Variants in ANKRD6 observed in about 807,000 individuals in gnomAD.
ANKRD6 encodes the protein ankyrin repeat domain-containing protein 6.
A neutral mutation model predicts 82.3 loss-of-function variants in ANKRD6; 56 were observed. The observed-to-expected ratio is 0.68, with a 90% CI of 0.55 to 0.85. The LOEUF is 0.85. Ranked by LOEUF, ANKRD6 falls within the 40% of genes least tolerant of loss-of-function variation. The pLI is 0.00. For missense variants in ANKRD6, 852 were observed against 907.6 expected (o/e 0.94, Z 0.79); for synonymous variants, 347 against 352.1 (o/e 0.99, Z 0.16).
At chr6:89,581,754 C>T (rs2128118587) in intron 2 of ANKRD6, 1 of 152,390 alleles carries the variant, frequency 6.6e-6, no homozygotes, top group Non-Finnish European at 1.5e-5. Context: ...AAATGGAATT[C>T]CTTCCCAAGA....
Position 89,631,255 on chromosome 6 carries a change from G to A in ANKRD6, c.*251G>A, listed in dbSNP as rs1482113121. On this transcript the variant is annotated 3_prime_UTR_variant, in exon 16 of 16. Coordinates refer to ENST00000339746, the MANE Select transcript of ANKRD6 (RefSeq NM_001242809.2). ...ATTATAAACTCTTAGCCTCAGTCCA[G>A]GTTAATCTGAAGTTTGAAAGCTCAG... is the stretch of plus-strand genomic sequence containing the variant. The A allele has an allele frequency of 8.5e-6, 4 of 471,602 alleles. No individual in the cohort carries two copies. Among genetic ancestry groups the A allele is most frequent in the African/African-American group, 8.0e-5 (4 of 49,724 alleles). The allele number at this position is 471,602 out of a possible 1,614,324, so 29.2% of individuals were successfully genotyped here.
intron 1 of ANKRD6, among the ~76,000 whole-genome samples, chr6:89,491,972 A>G (rs1423813270): frequency 6.6e-6 from 1 of 152,024 alleles, no homozygotes; most frequent in African/African-American, 2.4e-5. Flanking sequence ...ATCGCTCTCC[A>G]CTTCTTCATC....
chr6:89,445,546 A>T (rs553717390), intron 1 of ANKRD6, among the ~76,000 whole-genome samples: 1 of 152,268 alleles, frequency 6.6e-6, no homozygotes, highest in Admixed American at 6.5e-5. Context: ...TCCTGGGTTC[A>T]AGTGGTTCCC....
intron 2 of ANKRD6, among the ~76,000 whole-genome samples, chr6:89,595,383 G>T (rs890082537): frequency 6.6e-6 from 1 of 151,920 alleles, no homozygotes; most frequent in African/African-American, 2.4e-5. Flanking sequence ...CCGAGATGGC[G>T]TCGCTGCACT....
intron 1 of ANKRD6, among the ~76,000 whole-genome samples, chr6:89,438,566 A>C (rs901723215): frequency 1.3e-5 from 2 of 152,204 alleles, no homozygotes. Context: ...TCTTTGGTGG[A>C]TGAGTAGCCA....
At chr6:89,581,290 C>G (rs1044394751) in intron 2 of ANKRD6, among the ~76,000 whole-genome samples, 1 of 152,160 alleles carries the variant, frequency 6.6e-6, no homozygotes, top group Non-Finnish European at 1.5e-5. Context: ...TTGCACAGTA[C>G]GATTATGTTT....
intron 1 of ANKRD6, among the ~76,000 whole-genome samples, chr6:89,541,859 T>C (rs1331676359): frequency 1.3e-5 from 2 of 151,630 alleles, no homozygotes; most frequent in Non-Finnish European, 1.5e-5. Context: ...CTCATAACTT[T>C]ACCTAGTTAT....
intron 1 of ANKRD6, among the ~76,000 whole-genome samples, chr6:89,543,595 G>T (rs1420734677): frequency 6.6e-6 from 1 of 152,162 alleles, no homozygotes; most frequent in Non-Finnish European, 1.5e-5. Flanking sequence ...CCTAGTAGGT[G>T]GTAGAAGGTT....
chr6:89,555,326 G>C (rs529245610), intron 1 of ANKRD6, among the ~76,000 whole-genome samples: 1 of 152,060 alleles, frequency 6.6e-6, no homozygotes, highest in African/African-American at 2.4e-5. Context: ...CACAATTGCA[G>C]TCCAGTTTGA....
intron 1 of ANKRD6, among the ~76,000 whole-genome samples, chr6:89,525,378 G>A (rs1197358999): frequency 6.6e-6 from 1 of 151,826 alleles, no homozygotes; most frequent in Non-Finnish European, 1.5e-5. Context: ...TCAGATGGCA[G>A]CAAGTTGCAC....
Position 89,623,621 on chromosome 6 carries a change from C to T in ANKRD6, c.1032+77C>T. 5 of 1,511,754 alleles carry T rather than the reference C, an allele frequency of 3.3e-6. No homozygotes were observed. The South Asian group carries it at 3.9e-5, about 12-fold the overall frequency. 93.6% of individuals were successfully genotyped at this position (1,511,754 alleles called of 1,614,324 possible). ...GAGGGTCCTGGCAGAGCGTCATGCCCATCAGCTAAAAAGCCACTCACTTGG... is the reference window on the plus strand; with the variant it reads ...GAGGGTCCTGGCAGAGCGTCATGCCTATCAGCTAAAAAGCCACTCACTTGG... On this transcript the variant is annotated intron_variant, in intron 11 of 15. Transcript: ENST00000339746.
chr6:89,532,840 C>T (rs998204316), intron 1 of ANKRD6, among the ~76,000 whole-genome samples: 4 of 151,218 alleles, frequency 2.6e-5, no homozygotes, highest in Non-Finnish European at 5.9e-5. Context: ...TAGCTGGGAT[C>T]ACAGCCATGT....
At chr6:89,459,827 A>G (rs1773910769) in intron 1 of ANKRD6, among the ~76,000 whole-genome samples, 1 of 152,104 alleles carries the variant, frequency 6.6e-6, no homozygotes, top group South Asian at 2.1e-4. Flanking sequence ...TTTAAACATT[A>G]TGACAGTTAT....
At chr6:89,618,810 C>A (rs1029828176) in intron 9 of ANKRD6, among the ~76,000 whole-genome samples, 1 of 152,190 alleles carries the variant, frequency 6.6e-6, no homozygotes, top group East Asian at 1.9e-4. Context: ...ATAATGGAGG[C>A]ATAATATTAT....
chr6:89,471,780 G>T (rs1325649047), intron 1 of ANKRD6, among the ~76,000 whole-genome samples: 3 of 151,780 alleles, frequency 2.0e-5, no homozygotes, highest in Non-Finnish European at 4.4e-5. Context: ...AGCAATTGTA[G>T]TGGGGTGGCC....
At chr6:89,483,038 T>G (rs193090151) in intron 1 of ANKRD6, among the ~76,000 whole-genome samples, 4 of 152,350 alleles carry the variant, frequency 2.6e-5, no homozygotes, top group Admixed American at 2.0e-4. Context: ...TGAGCCTAAG[T>G]GCAAGATGTA....
intron 5 of ANKRD6, among the ~76,000 whole-genome samples, chr6:89,610,265 GC>G: frequency 6.6e-6 from 1 of 152,114 alleles, no homozygotes; most frequent in Non-Finnish European, 1.5e-5. Context: ...CTGGTGGCAG[GC>G]CCCCAGTCAC....
intron 1 of ANKRD6, among the ~76,000 whole-genome samples, chr6:89,466,264 T>G (rs1177441073): frequency 6.6e-6 from 1 of 152,200 alleles, no homozygotes; most frequent in African/African-American, 2.4e-5. Context: ...TGGTTCTAGT[T>G]TTTTATTTTT....
chr6:89,447,044 G>A (rs1290032869), intron 1 of ANKRD6, among the ~76,000 whole-genome samples: 1 of 152,068 alleles, frequency 6.6e-6, no homozygotes, highest in Non-Finnish European at 1.5e-5. Flanking sequence ...CTTTGTAGCA[G>A]CATGATAATT....
Sources: allele counts gnomAD v4.1 joint callset (sites outside exome capture counted in the v4.1 genomes callset), GRCh38; gene constraint gnomAD v4.1.1; transcripts MANE v1.5; gene names NCBI Gene and HGNC (gene_info 2026-07-23, HGNC 2026-07-21).